Variants in UNC5D observed in about 807,000 individuals in gnomAD.
The protein encoded by UNC5D is netrin receptor UNC5D.
Under a neutral mutation model 105.4 loss-of-function variants are expected in UNC5D, and 39 were observed. The ratio of observed to expected loss-of-function variants is 0.37; its 90% CI spans 0.29 to 0.48. The LOEUF (loss-of-function observed/expected upper bound fraction) is 0.48. UNC5D is among the 20% of genes least tolerant of loss of function. UNC5D has a pLI of 0.98. For synonymous variants in UNC5D, 452 were observed against 450.4 expected (o/e 1.00, Z -0.04); for missense variants, 991 against 1,202.4 (o/e 0.82, Z 2.60).
intron 1 of UNC5D, among the ~76,000 whole-genome samples, chr8:35,421,180 C>T (rs920858204): frequency 6.6e-5 from 10 of 152,132 alleles, no homozygotes; most frequent in Non-Finnish European, 1.0e-4. Flanking sequence ...GGTTTATTAT[C>T]TCAAGAACAC....
intron 9 of UNC5D, chr8:35,724,221 C>T: frequency 1.3e-6 from 2 of 1,522,860 alleles, no homozygotes; most frequent in Non-Finnish European, 1.8e-6. Flanking sequence ...CCAAACTTAC[C>T]TGACCATTTT....
chr8:35,254,014 G>C (rs1239724105), intron 1 of UNC5D, among the ~76,000 whole-genome samples: 1 of 152,126 alleles, frequency 6.6e-6, no homozygotes, highest in South Asian at 2.1e-4. Context: ...ACTAAACTCT[G>C]TAATGTGTCT....
At chr8:35,567,917 A>G (rs936067520) in intron 2 of UNC5D, among the ~76,000 whole-genome samples, 181 bp from the exon 3 acceptor site, 2 of 152,246 alleles carry the variant, frequency 1.3e-5, no homozygotes, top group African/African-American at 2.4e-5. Context: ...TGTGCTTTCC[A>G]GCCTACTCAG....
chr8:35,465,011 T>C (rs1809195283), intron 1 of UNC5D, among the ~76,000 whole-genome samples: 1 of 152,242 alleles, frequency 6.6e-6, no homozygotes, highest in Non-Finnish European at 1.5e-5. Context: ...GATGGTTTTC[T>C]ACTTGGTTTC....
chr8:35,445,391 C>A (rs575664575), intron 1 of UNC5D, among the ~76,000 whole-genome samples: 1 of 152,056 alleles, frequency 6.6e-6, no homozygotes, highest in African/African-American at 2.4e-5. Context: ...GAAATATGAA[C>A]AATGCTAGAT....
chr8:35,628,735 C>G (rs952104017), intron 4 of UNC5D, among the ~76,000 whole-genome samples: 1 of 152,104 alleles, frequency 6.6e-6, no homozygotes, highest in Admixed American at 6.5e-5. Flanking sequence ...AAAAGAAAAG[C>G]TTGTTAGCAT....
At chr8:35,715,334 C>G (rs1309727429) in intron 8 of UNC5D, among the ~76,000 whole-genome samples, 2 of 151,922 alleles carry the variant, frequency 1.3e-5, no homozygotes, top group African/African-American at 2.4e-5. Flanking sequence ...TCTGAAAGGG[C>G]ACACAAGGTA....
At chr8:35,347,559 T>C in intron 1 of UNC5D, among the ~76,000 whole-genome samples, 1 of 152,002 alleles carries the variant, frequency 6.6e-6, no homozygotes, top group East Asian at 1.9e-4. Flanking sequence ...TCCCCCAGTA[T>C]ACATTGAACT....
intron 4 of UNC5D, among the ~76,000 whole-genome samples, chr8:35,670,004 T>G (rs1311931581): frequency 6.6e-6 from 1 of 152,060 alleles, no homozygotes; most frequent in Non-Finnish European, 1.5e-5. Context: ...TATGATCATG[T>G]GGGGAGGTGT....
chr8:35,774,410 A>G lies in UNC5D; in HGVS notation c.2590A>G (p.Thr864Ala), dbSNP rs1802145909. ...CTCCATCAGACAGCGGATTTGTGCT[A>G]CATTTGATACCCCCAATGCCAAAGG... is the stretch of plus-strand genomic sequence containing the variant. The part of the protein sequence containing the change: ...PYSIRQRICA[T>A]FDTPNAKGKD... The change falls in exon 16 of 17, where the codon ACA (threonine) becomes GCA (alanine). Residue 864 changes from threonine (T) to alanine (A), a missense_variant. Physicochemically the swap from Thr to Ala is moderately conservative, Grantham distance 58 (BLOSUM62 0). Around this residue, in one of 3 missense-constraint regions of UNC5D, gnomAD observed 944 missense variants for 1,131.6 expected, o/e 0.83. Coordinates refer to ENST00000404895, the MANE Select transcript of UNC5D (RefSeq NM_080872.4). 1.2e-6 allele frequency: 2 copies of G among 1,614,154 alleles called. No homozygotes were observed. Among genetic ancestry groups the G allele is most frequent in the Non-Finnish European group, 1.7e-6 (2 of 1,180,010 alleles).
At chr8:35,353,879 G>A (rs1199031490) in intron 1 of UNC5D, among the ~76,000 whole-genome samples, 1 of 152,018 alleles carries the variant, frequency 6.6e-6, no homozygotes, top group Non-Finnish European at 1.5e-5. Flanking sequence ...ATTTACATAA[G>A]AGCAAAAAAT....
At chr8:35,376,223 T>C (rs988561566) in intron 1 of UNC5D, among the ~76,000 whole-genome samples, 2 of 152,230 alleles carry the variant, frequency 1.3e-5, no homozygotes, top group African/African-American at 4.8e-5. Flanking sequence ...ATGCATTTTC[T>C]TTTTGCACTA....
chr8:35,674,010 G>GAGTA (rs569383142), intron 4 of UNC5D, among the ~76,000 whole-genome samples: 253 of 152,250 alleles, frequency 1.7e-3, no homozygotes, highest in Non-Finnish European at 2.0e-3. Flanking sequence ...TACTGAGCTT[G>GAGTA]AGTAAGTTTT....
intron 5 of UNC5D, 94 bp from the exon 6 acceptor site, chr8:35,684,488 G>T: frequency 6.8e-7 from 1 of 1,474,718 alleles, no homozygotes; most frequent in South Asian, 1.4e-5. Flanking sequence ...CTGGATGCCT[G>T]ACTCACAGCA....
chr8:35,439,215 TC>T (rs751979484), intron 1 of UNC5D, among the ~76,000 whole-genome samples: 5 of 152,042 alleles, frequency 3.3e-5, no homozygotes, highest in Non-Finnish European at 1.5e-5. Flanking sequence ...ATTCTCATCA[TC>T]ATGTCTGTGT....
chr8:35,452,625 C>T (rs768864547), intron 1 of UNC5D, among the ~76,000 whole-genome samples: 5 of 152,136 alleles, frequency 3.3e-5, no homozygotes, highest in Non-Finnish European at 7.4e-5. Context: ...ATCCTAGTTA[C>T]ACCCCAAAGT....
intron 4 of UNC5D, among the ~76,000 whole-genome samples, chr8:35,657,063 T>C (rs1823784642): frequency 1.0e-5 from 1 of 96,118 alleles, no homozygotes; most frequent in African/African-American, 5.0e-5. Flanking sequence ...TGTGTGTGTG[T>C]GTGTGTGTGT....
rs528959547 is a variant in UNC5D at position 35,378,220 on chromosome 8, C to A, written c.103+142333C>A. Among the ~76,000 whole-genome samples, 383 of 152,250 alleles carry A rather than the reference C, an allele frequency of 2.5e-3. 1 individual carries two copies. Among genetic ancestry groups the A allele is most frequent in the Admixed American group, 5.4e-3 (82 of 15,296 alleles). On this transcript the variant is annotated intron_variant, in intron 1 of 16. Coordinates refer to ENST00000404895, the MANE Select transcript of UNC5D (RefSeq NM_080872.4). ...ATGATGTACACATGATTTTTCAATACCTCTCCTTTCTAATACAAAGTACCT... is the reference window on the plus strand; with the variant it reads ...ATGATGTACACATGATTTTTCAATAACTCTCCTTTCTAATACAAAGTACCT...
chr8:35,695,288 C>G (rs1056168199), intron 7 of UNC5D, among the ~76,000 whole-genome samples: 1 of 152,128 alleles, frequency 6.6e-6, no homozygotes, highest in Non-Finnish European at 1.5e-5. Context: ...AGGATTTGGT[C>G]CTGAGAAGGT....
Sources: allele counts gnomAD v4.1 joint callset (sites outside exome capture counted in the v4.1 genomes callset), GRCh38; gene constraint gnomAD v4.1.1; regional missense constraint gnomAD v4.1.1; transcripts MANE v1.5; gene names NCBI Gene and HGNC (gene_info 2026-07-23, HGNC 2026-07-21).